WNT9A: variants seen among roughly 807,000 people sequenced by gnomAD.
WNT9A encodes the protein Wnt family member 9A.
WNT9A carries 8 observed loss-of-function variants against 31.4 expected under a neutral mutation model. The observed-to-expected ratio is 0.26, with a 90% CI of 0.15 to 0.46. The LOEUF (loss-of-function observed/expected upper bound fraction) is 0.46, where lower values mean the gene tolerates loss of function less well. Among genes scored for constraint, WNT9A ranks in the 20% least tolerant of loss-of-function variants. WNT9A has a pLI of 0.99. For synonymous variants in WNT9A, 236 were observed against 220.1 expected, an observed-to-expected ratio of 1.07 and a Z score of -0.64; for missense variants, 457 against 522.9, an observed-to-expected ratio of 0.87 and a Z score of 1.23.
intron 1 of WNT9A, among the ~76,000 whole-genome samples, chr1:227,944,637 C>T (rs1258510498): frequency 2.6e-5 from 4 of 152,156 alleles, no homozygotes; most frequent in Non-Finnish European, 5.9e-5. Flanking sequence ...TTTCCAGCCC[C>T]GATGGCTGGC....
chr1:227,939,320 T>C (rs1449017009), intron 1 of WNT9A, among the ~76,000 whole-genome samples: 2 of 152,124 alleles, frequency 1.3e-5, no homozygotes, highest in Non-Finnish European at 2.9e-5. Context: ...CTGCAGAAGC[T>C]CCGTGGAGAC....
rs534469836 is a variant in WNT9A at position 227,921,327 on chromosome 1, C to A, written c.*191G>T. 8 of 852,120 alleles carry A rather than the reference C, an allele frequency of 9.4e-6. No individual in the cohort carries two copies. In the East Asian group the frequency reaches 2.1e-4, roughly 23 times the overall value. The allele number at this position is 852,120 out of a possible 1,614,324, so 52.8% of individuals were successfully genotyped here. A position where few individuals can be genotyped will look rare whatever the true frequency, so the allele number is the denominator to read the frequency against. On this transcript the variant is annotated 3_prime_UTR_variant, in exon 4 of 4. Transcript: ENST00000272164. ...AGCTAGGACTGAGCCCAGGGACTCA[C>A]CCCACGCTGCTAGGTCTGAGCCCAG... is the stretch of plus-strand genomic sequence containing the variant.
Position 227,925,387 on chromosome 1 carries a change from C to G in WNT9A, c.228G>C (p.Pro76=), listed in dbSNP as rs139460117. Residue 76 remains proline, a synonymous_variant, in exon 2 of 4, where the codon CCG becomes CCC. Transcript: ENST00000272164. The surrounding 1 kb of genome is among the most constrained non-coding windows in gnomAD (Gnocchi z 6.0). The part of the protein sequence containing the change: ...RKQRRMCRRD[P]GVAETLVEAV... ...CCTCCACCAGCGTCTCTGCCACGCC[C>G]GGGTCCCGGCGGCACATGCGCCGCT... is the stretch of plus-strand genomic sequence containing the variant. 42 of 1,610,518 alleles carry G rather than the reference C, an allele frequency of 2.6e-5. No homozygotes were observed. The African/African-American group carries it at 4.7e-4, about 18-fold the overall frequency.
At chr1:227,922,821 C>T (rs1666346154) in intron 3 of WNT9A, among the ~76,000 whole-genome samples, 1 of 152,192 alleles carries the variant, frequency 6.6e-6, no homozygotes, top group African/African-American at 2.4e-5. Flanking sequence ...CCGAGCCAGG[C>T]GGCTCTGCTC....
intron 1 of WNT9A, among the ~76,000 whole-genome samples, chr1:227,930,833 C>T (rs1666499621): frequency 1.3e-5 from 2 of 152,006 alleles, no homozygotes; most frequent in South Asian, 4.1e-4. Flanking sequence ...CCAGCCTGGC[C>T]AACATGGTGA....
Position 227,930,704 on chromosome 1 carries a change from T to C in WNT9A, c.96-5185A>G, listed in dbSNP as rs565889714. ...CGGCCACAGAGGCGCCCTTTGGTTCTTAGTTTGCTAAGAACCTTTAAAAAT... is the reference window on the plus strand; with the variant it reads ...CGGCCACAGAGGCGCCCTTTGGTTCCTAGTTTGCTAAGAACCTTTAAAAAT... On this transcript the variant is annotated intron_variant, in intron 1 of 3. Transcript: ENST00000272164. Among the ~76,000 whole-genome samples the C allele has an allele frequency of 3.9e-4, 59 of 152,342 alleles. 1 individual carries two copies. The highest frequency in any genetic ancestry group is 1.4e-3 in the African/African-American group (57 of 41,586).
rs535108251 is a variant in WNT9A at position 227,926,608 on chromosome 1, C to T, written c.96-1089G>A. Among the ~76,000 whole-genome samples, 27 of 152,258 alleles carry T rather than the reference C, an allele frequency of 1.8e-4. No individual in the cohort carries two copies. The East Asian group carries it at 5.1e-3, about 28-fold the overall frequency. ...ATGTCAGGGGCCCCAGGCACGGCCA[C>T]CTCAAGCCAGACTCAGCCCTCCAGC... On this transcript the variant is annotated intron_variant, in intron 1 of 3. Coordinates refer to ENST00000272164, the MANE Select transcript of WNT9A (RefSeq NM_003395.4). This position sits in a 1 kb window ranked among gnomAD's most constrained non-coding sequence, Gnocchi z 5.0.
chr1:227,936,502 T>C (rs2102726674), intron 1 of WNT9A, among the ~76,000 whole-genome samples: 1 of 152,270 alleles, frequency 6.6e-6, no homozygotes, highest in South Asian at 2.1e-4. Flanking sequence ...ACCCAGCTAA[T>C]TTTTGTATTT....
chr1:227,923,415 C>T (rs1666359275), intron 3 of WNT9A, among the ~76,000 whole-genome samples: 2 of 152,166 alleles, frequency 1.3e-5, no homozygotes, highest in East Asian at 1.9e-4. Context: ...GTTACAGGTC[C>T]AGCCCGGACT....
intron 1 of WNT9A, among the ~76,000 whole-genome samples, chr1:227,930,482 C>T (rs1352594533): frequency 6.6e-6 from 1 of 152,206 alleles, no homozygotes; most frequent in Non-Finnish European, 1.5e-5. Context: ...GTGGGGGTTG[C>T]AGTGAGCCAC....
chr1:227,924,344 G>C lies in WNT9A; in HGVS notation c.409C>G (p.Leu137Val). ...CGGCCCGCGCTGCACGCCTTGGCCA[G>C]TGCGTGCGTCAGGCCAGCCGAGGAG... ...AISSAGLTHA[L>V]AKACSAGRME... Residue 137 changes from leucine to valine, a missense_variant, in exon 3 of 4, where the codon CTG becomes GTG. Leu to Val is a conservative substitution (Grantham distance 32, BLOSUM62 1). Coordinates refer to ENST00000272164, the MANE Select transcript of WNT9A (RefSeq NM_003395.4). 1 of 1,613,542 alleles carries C rather than the reference G, an allele frequency of 6.2e-7. No homozygotes were observed. The highest frequency in any genetic ancestry group is 1.1e-5 in the South Asian group (1 of 91,064).
rs1248932110 is a variant in WNT9A at position 227,942,008 on chromosome 1, G to T, written c.95+5785C>A. On this transcript the variant is annotated intron_variant, in intron 1 of 3. Transcript: ENST00000272164. The surrounding 1 kb of genome is among the most constrained non-coding windows in gnomAD (Gnocchi z 5.7). Reference sequence around the variant, plus strand: ...CTCCAGGAGGTATCCGTGCCTGTGTGCTCTTTCCTAGGGGAAGAGTCACCC... The same window carrying T: ...CTCCAGGAGGTATCCGTGCCTGTGTTCTCTTTCCTAGGGGAAGAGTCACCC... Among the ~76,000 whole-genome samples the T allele has an allele frequency of 6.6e-6, 1 of 152,056 alleles. No homozygotes were observed. The highest frequency in any genetic ancestry group is 1.5e-5 in the Non-Finnish European group (1 of 67,994).
Position 227,947,810 on chromosome 1 carries a change from A to C in WNT9A, c.78T>G (p.Pro26=). The C allele has an allele frequency of 9.2e-7, 1 of 1,085,014 alleles. No homozygotes were observed. 67.2% of individuals were successfully genotyped at this position (1,085,014 alleles called of 1,614,324 possible). The change falls in exon 1 of 4, where the codon CCT becomes CCG. Residue 26 remains proline (P), a synonymous_variant. Transcript: ENST00000272164. ...GCACCTACCCGAAGTAGGCGGCCGA[A>C]GGGCGCAGCGCGGCGAGCAGCAGCG... ...GLTLLLAALR[P]SAAYFGLTGS...
intron 1 of WNT9A, among the ~76,000 whole-genome samples, chr1:227,946,310 T>C (rs770719552): frequency 6.6e-6 from 1 of 152,174 alleles, no homozygotes; most frequent in African/African-American, 2.4e-5. Flanking sequence ...AGGAATCGGA[T>C]CACAGCAGGG....
At chr1:227,934,142 A>G (rs1055762938) in intron 1 of WNT9A, among the ~76,000 whole-genome samples, 2 of 152,188 alleles carry the variant, frequency 1.3e-5, no homozygotes, top group Non-Finnish European at 2.9e-5. Context: ...ACCTGCTGCC[A>G]TTATGAACAT....
At chr1:227,931,721 T>C (rs1444779128) in intron 1 of WNT9A, among the ~76,000 whole-genome samples, 2 of 152,200 alleles carry the variant, frequency 1.3e-5, no homozygotes, top group Non-Finnish European at 2.9e-5. Context: ...ATAATACATA[T>C]ACTTTAGTTA....
intron 1 of WNT9A, among the ~76,000 whole-genome samples, chr1:227,934,216 C>G (rs1452124077): frequency 6.6e-6 from 1 of 152,232 alleles, no homozygotes; most frequent in Non-Finnish European, 1.5e-5. Context: ...GGGAGTGGAG[C>G]TGCTGGGTCA....
intron 1 of WNT9A, among the ~76,000 whole-genome samples, chr1:227,938,319 A>T (rs1666629661): frequency 6.6e-6 from 1 of 151,322 alleles, no homozygotes; most frequent in Non-Finnish European, 1.5e-5. Context: ...ATATACCCAT[A>T]CATACACACC....
Position 227,921,780 on chromosome 1 carries a change from C to A in WNT9A, c.836G>T (p.Gly279Val). 1 of 1,612,354 alleles carries A rather than the reference C, an allele frequency of 6.2e-7. No individual in the cohort carries two copies. The highest frequency in any genetic ancestry group is 1.1e-5 in the South Asian group (1 of 91,056). The part of the protein sequence containing the change: ...PPRGRASGAG[G>V]SDPLPRTPEL... ...TGGAGTGCGGGGCAGCGGGTCGCTG[C>A]CACCTGCCCCCGAGGCACGGCCCCG... is the stretch of plus-strand genomic sequence containing the variant. Residue 279 changes from glycine (G) to valine (V), a missense_variant, in exon 4 of 4, where the codon GGC becomes GTC. Coordinates refer to ENST00000272164, the MANE Select transcript of WNT9A (RefSeq NM_003395.4).
Sources: allele counts gnomAD v4.1 joint callset (sites outside exome capture counted in the v4.1 genomes callset), GRCh38; gene constraint gnomAD v4.1.1; non-coding constraint Gnocchi (gnomAD v3.1); transcripts MANE v1.5; gene names NCBI Gene and HGNC (gene_info 2026-07-23, HGNC 2026-07-21).